LDB3: variants seen among roughly 807,000 people sequenced by gnomAD.
LDB3 encodes LIM domain-binding protein 3.
A neutral mutation model predicts 69.0 loss-of-function variants in LDB3; 49 were observed. That is an observed-to-expected ratio of 0.71 (90% CI 0.56 to 0.90). LDB3 has a LOEUF of 0.90. LDB3 is among the 40% of genes least tolerant of loss of function. The pLI, the probability that LDB3 is intolerant of heterozygous loss-of-function variation, is 0.00. For synonymous variants in LDB3, 387 were observed against 396.2 expected, an observed-to-expected ratio of 0.98 and a Z score of 0.28; for missense variants, 928 against 974.1, an observed-to-expected ratio of 0.95 and a Z score of 0.63.
chr10:86,684,703 G>C (rs1226407303), intron 5 of LDB3, among the ~76,000 whole-genome samples: 1 of 152,236 alleles, frequency 6.6e-6, no homozygotes, highest in African/African-American at 2.4e-5. Flanking sequence ...CCAGGGCCAG[G>C]CTGGCCGGGG....
intron 2 of LDB3, among the ~76,000 whole-genome samples, chr10:86,671,334 C>T (rs1382766622): frequency 1.3e-5 from 2 of 152,148 alleles, no homozygotes; most frequent in Non-Finnish European, 2.9e-5. Flanking sequence ...CAGGTGTGTG[C>T]TGCAGCTCCT....
chr10:86,703,994 A>G (rs1846351840), intron 7 of LDB3, among the ~76,000 whole-genome samples: 1 of 152,082 alleles, frequency 6.6e-6, no homozygotes, highest in African/African-American at 2.4e-5. Context: ...CATGCCTGTA[A>G]TCACAGCTAC....
At chr10:86,716,219 G>A in intron 9 of LDB3, 108 bp from the exon 10 acceptor site, 1 of 1,293,948 alleles carries the variant, frequency 7.7e-7, no homozygotes, top group Non-Finnish European at 1.1e-6. Flanking sequence ...AAATTGTACT[G>A]CTCTAATGTT....
intron 10 of LDB3, 107 bp from the exon 11 acceptor site, chr10:86,717,857 A>G (rs1337388044): frequency 2.8e-6 from 3 of 1,065,986 alleles, no homozygotes; most frequent in Non-Finnish European, 2.8e-6. Context: ...AACAGTCACA[A>G]AAGTCAGAGT....
intron 2 of LDB3, among the ~76,000 whole-genome samples, chr10:86,677,704 C>T (rs1844876339): frequency 6.6e-6 from 1 of 152,144 alleles, no homozygotes; most frequent in Non-Finnish European, 1.5e-5. Context: ...TGGGAACTGG[C>T]CCCCGCACCT....
chr10:86,722,429 T>G (rs1326199970), intron 12 of LDB3, among the ~76,000 whole-genome samples: 1 of 151,796 alleles, frequency 6.6e-6, no homozygotes, highest in East Asian at 1.9e-4. Context: ...CCCAGCTAAT[T>G]TTTTGTATTT....
At chr10:86,712,745 A>G (rs1564655348) in intron 9 of LDB3, among the ~76,000 whole-genome samples, 1 of 152,230 alleles carries the variant, frequency 6.6e-6, no homozygotes, top group Non-Finnish European at 1.5e-5. Context: ...TCATTTTAAT[A>G]TATTTTCTTT....
chr10:86,716,464 C>T lies in LDB3; in HGVS notation c.1369C>T (p.Pro457Ser), dbSNP rs1380416580. Residue 457 changes from proline to serine, a missense_variant, in exon 10 of 14, where the codon CCA becomes TCA. Coordinates refer to ENST00000361373, the MANE Select transcript of LDB3 (RefSeq NM_007078.3). Reference protein sequence around the residue: ...PSPVPTYTPSPAPAYTPSPAP... With the variant: ...PSPVPTYTPSSAPAYTPSPAP... ...ACCTGTCCCCACCTACACTCCATCCCCAGCACCAGCCTATACCCCCTCACC... is the reference window on the plus strand; with the variant it reads ...ACCTGTCCCCACCTACACTCCATCCTCAGCACCAGCCTATACCCCCTCACC... 5 of 1,607,770 alleles carry T rather than the reference C, an allele frequency of 3.1e-6. No individual in the cohort carries two copies. The highest frequency in any genetic ancestry group is 1.7e-5 in the Admixed American group (1 of 59,438).
At chr10:86,715,952 A>G (rs1846850156) in intron 9 of LDB3, among the ~76,000 whole-genome samples, 1 of 152,184 alleles carries the variant, frequency 6.6e-6, no homozygotes, top group Non-Finnish European at 1.5e-5. Flanking sequence ...AGCATCTTGC[A>G]GTCAAAGGCG....
Position 86,726,242 on chromosome 10 carries a change from T to A in LDB3, c.2084T>A (p.Phe695Tyr), listed in dbSNP as rs1294110882. 1 of 1,613,706 alleles carries A rather than the reference T, an allele frequency of 6.2e-7. No individual in the cohort carries two copies. The highest frequency in any genetic ancestry group is 1.1e-5 in the South Asian group (1 of 91,042). Residue 695 changes from phenylalanine to tyrosine, a missense_variant, in exon 13 of 14, where the codon TTC (phenylalanine) becomes TAC (tyrosine). Transcript: ENST00000361373. The stretch of plus-strand genomic sequence containing the variant: ...GGCCACACTTGGCACGACACCTGCT[T>A]CATTTGCGCAGTATGTCTCTAGCTT... ...ALGHTWHDTCFICAVCHVNLE... is the reference protein window; with the variant it reads ...ALGHTWHDTCYICAVCHVNLE...
rs376355443 is a variant in LDB3, at chr10:86,699,867, G to A, written c.897-6664G>A. 62 of 1,016,998 alleles carry A rather than the reference G, an allele frequency of 6.1e-5. No individual in the cohort carries two copies. The highest frequency in any genetic ancestry group is 1.8e-4 in the East Asian group (2 of 11,306). 63.0% of individuals were successfully genotyped at this position (1,016,998 alleles called of 1,614,324 possible). On this transcript the variant is annotated intron_variant, in intron 7 of 13. Coordinates refer to ENST00000361373, the MANE Select transcript of LDB3 (RefSeq NM_007078.3). This position sits in a 1 kb window ranked among gnomAD's most constrained non-coding sequence, Gnocchi z 4.9. ...TGCCCTCTGGAGCTCAGGGCAGCCC[G>A]GAATAGGGCTCTTTGAAGAGGAAGT... is the stretch of plus-strand genomic sequence containing the variant.
intron 13 of LDB3, among the ~76,000 whole-genome samples, chr10:86,727,534 A>G (rs1481585542): frequency 1.3e-5 from 2 of 152,222 alleles, no homozygotes; most frequent in Non-Finnish European, 2.9e-5. Context: ...GACACACTGT[A>G]TTCACTCTGT....
chr10:86,667,334 C>A (rs945350802), upstream of LDB3, among the ~76,000 whole-genome samples: 1 of 152,114 alleles, frequency 6.6e-6, no homozygotes, highest in Non-Finnish European at 1.5e-5. Context: ...AGCAGCCAAC[C>A]CAGTTGCCTC....
intron 9 of LDB3, among the ~76,000 whole-genome samples, chr10:86,711,147 A>AGCGGCGGGTGGAGGCGAGGCC (rs1256018774): frequency 1.3e-5 from 2 of 152,192 alleles, no homozygotes; most frequent in Non-Finnish European, 2.9e-5. Context: ...TTGGAGGAGA[A>AGCGGCGGGTGGAGGCGAGGCC]GCGGCGGGTG....
chr10:86,697,168 CAA>C (rs1429638972), intron 7 of LDB3, among the ~76,000 whole-genome samples: 2 of 149,270 alleles, frequency 1.3e-5, no homozygotes, highest in East Asian at 3.9e-4. Flanking sequence ...ATCTTCTTTT[CAA>C]AGACTTAAAG....
At chr10:86,718,951 G>A (rs1843985164) in intron 12 of LDB3, 104 bp downstream of exon 12, 5 of 1,434,966 alleles carry the variant, frequency 3.5e-6, no homozygotes, top group Non-Finnish European at 3.8e-6. Flanking sequence ...CGACCACCCA[G>A]AGGCCTTTAT....
chr10:86,696,240 C>A (rs980861671), intron 7 of LDB3, among the ~76,000 whole-genome samples: 7 of 152,206 alleles, frequency 4.6e-5, no homozygotes, highest in Non-Finnish European at 8.8e-5. Context: ...CGCTTACACG[C>A]CGCACAGCAT....
chr10:86,677,119 T>C lies in LDB3; in HGVS notation c.94-2248T>C, dbSNP rs1214311541. On this transcript the variant is annotated intron_variant, in intron 2 of 13. Coordinates refer to ENST00000361373, the MANE Select transcript of LDB3 (RefSeq NM_007078.3). Reference sequence around the variant, plus strand: ...GCCAAGGAACACTTCCAGCCACAGCTTGTAGGGGGTGGGGTCCGGAGCCTC... The same window carrying C: ...GCCAAGGAACACTTCCAGCCACAGCCTGTAGGGGGTGGGGTCCGGAGCCTC... Among the ~76,000 whole-genome samples the C allele has an allele frequency of 5.3e-5, 8 of 152,148 alleles. No homozygotes were observed. The East Asian group carries it at 1.5e-3, about 29-fold the overall frequency.
intron 2 of LDB3, among the ~76,000 whole-genome samples, chr10:86,675,049 G>T (rs1844713390): frequency 6.6e-6 from 1 of 152,212 alleles, no homozygotes; most frequent in Non-Finnish European, 1.5e-5. Flanking sequence ...GGCCAGGCCA[G>T]CTGAGCCCTG....
Sources: gnomAD v4.1 joint callset for allele counts (sites outside exome capture counted in the v4.1 genomes callset) on GRCh38, gnomAD v4.1.1 for gene constraint, Gnocchi (gnomAD v3.1) non-coding constraint, MANE v1.5 for transcripts, NCBI Gene and HGNC (gene_info 2026-07-23, HGNC 2026-07-21) for gene names.